Variants in POLR3B observed in about 807,000 individuals in gnomAD.
The protein encoded by POLR3B is RNA polymerase III subunit B.
Under a neutral mutation model 147.4 loss-of-function variants are expected in POLR3B, and 96 were observed. The observed-to-expected ratio is 0.65, with a 90% confidence interval of 0.55 to 0.77. POLR3B has a LOEUF of 0.77. Ranked by LOEUF, POLR3B falls within the 30% of genes least tolerant of loss-of-function variation. The probability of loss-of-function intolerance (pLI) is 0.00; values close to 1 mark genes in which losing one functional copy is unlikely to be tolerated. For missense variants in POLR3B, 1,036 were observed against 1,413.5 expected, an observed-to-expected ratio of 0.73 and a Z score of 4.28; for synonymous variants, 461 against 485.9, an observed-to-expected ratio of 0.95 and a Z score of 0.67.
In POLR3B at chr12:106,365,019, C is replaced by T. The variant is rs181984686; in HGVS notation, c.105+1117C>T. ...GTGTGGTGGCGGGCCCCTGTAATCC[C>T]AGCTACTTGGGAGGATAAGGCAGGA... On this transcript the variant is annotated intron_variant, in intron 2 of 27. Transcript: ENST00000228347. Among the ~76,000 whole-genome samples, 1,010 of 152,166 alleles carry T rather than the reference C, an allele frequency of 6.6e-3. 10 individuals carry two copies. The highest frequency in any genetic ancestry group is 0.011 in the Non-Finnish European group (778 of 68,010).
chr12:106,368,438 C>G (rs1429631394), intron 4 of POLR3B, among the ~76,000 whole-genome samples: 1 of 152,080 alleles, frequency 6.6e-6, no homozygotes, highest in African/African-American at 2.4e-5. Context: ...CCTCCAATTT[C>G]AGTTCGACAC....
intron 25 of POLR3B, among the ~76,000 whole-genome samples, chr12:106,498,559 G>T (rs1565916618): frequency 6.6e-6 from 1 of 150,944 alleles, no homozygotes; most frequent in Non-Finnish European, 1.5e-5. Flanking sequence ...GGTTTTGGGA[G>T]TTTTTTTTGT....
At chr12:106,376,774 T>A (rs2036686497) in intron 7 of POLR3B, among the ~76,000 whole-genome samples, 1 of 152,126 alleles carries the variant, frequency 6.6e-6, no homozygotes, top group South Asian at 2.1e-4. Flanking sequence ...TGTGCCACCA[T>A]ACCCAGCTCA....
intron 12 of POLR3B, among the ~76,000 whole-genome samples, chr12:106,411,275 A>G (rs906092165): frequency 2.6e-5 from 4 of 152,064 alleles, no homozygotes; most frequent in African/African-American, 9.7e-5. Context: ...AGTAGCTGTG[A>G]TTACAGGCAT....
intron 9 of POLR3B, among the ~76,000 whole-genome samples, chr12:106,388,474 C>T (rs954190493): frequency 1.3e-5 from 2 of 152,104 alleles, no homozygotes; most frequent in African/African-American, 2.4e-5. Flanking sequence ...TGCACCACCA[C>T]GCCCAGCTAA....
At position 106,444,648 on chromosome 12, in the gene POLR3B, C is replaced by G. The variant is rs1420452044; in HGVS notation, c.2083+58C>G. On this transcript the variant is annotated intron_variant, in intron 19 of 27. Transcript: ENST00000228347. The stretch of plus-strand genomic sequence containing the variant: ...TACTTGGAAATACTTTTGGAAAAAG[C>G]CTTACATCTTTATTCCTGCTTCACC... 16 of 1,561,006 alleles carry G rather than the reference C, an allele frequency of 1.0e-5. No homozygotes were observed. In the South Asian group the frequency reaches 1.3e-4, roughly 13 times the overall value.
At chr12:106,433,653 G>A in intron 15 of POLR3B, 66 bp from the exon 16 acceptor site, 5 of 1,290,942 alleles carry the variant, frequency 3.9e-6, no homozygotes, top group South Asian at 2.5e-5. Flanking sequence ...TTTATTGGTT[G>A]GATATATTAA....
Position 106,366,528 on chromosome 12 carries a change from G to A in POLR3B, c.118G>A (p.Val40Met), listed in dbSNP as rs753126070. ...TCTATCTGTTTAGGTGAAAGGCCTT[G>A]TGAAACAGCATATAGATTCATTTAA... ...LPAFLKVKGL[V>M]KQHIDSFNYF... Residue 40 changes from valine (V) to methionine (M), a missense_variant, in exon 3 of 28, where the codon GTG (valine) becomes ATG (methionine). Physicochemically the swap from Val to Met is conservative, Grantham distance 21. Transcript: ENST00000228347. 5 of 1,609,556 alleles carry A rather than the reference G, an allele frequency of 3.1e-6. No individual in the cohort carries two copies. The highest frequency in any genetic ancestry group is 4.2e-6 in the Non-Finnish European group (5 of 1,176,496).
intron 19 of POLR3B, chr12:106,446,417 CAAAAAA>C (rs10654233): frequency 5.7e-4 from 91 of 158,364 alleles, no homozygotes; most frequent in Middle Eastern, 2.8e-3. Flanking sequence ...CCTCTCCCCA[CAAAAAA>C]AAAAAAAAAA....
At chr12:106,481,182 A>T (rs2038262432) in intron 23 of POLR3B, among the ~76,000 whole-genome samples, 1 of 152,124 alleles carries the variant, frequency 6.6e-6, no homozygotes, top group South Asian at 2.1e-4. Flanking sequence ...ATTCTGAGGG[A>T]GAGGGAAGCC....
In POLR3B at chr12:106,444,592, T is replaced by G; in HGVS notation, c.2083+2T>G. 6.2e-7 allele frequency: 1 copy of G among 1,613,474 alleles called. No individual in the cohort carries two copies. The highest frequency in any genetic ancestry group is 8.5e-7 in the Non-Finnish European group (1 of 1,179,754). Reference sequence around the variant, plus strand: ...GTGCCATGGGGAAACAAGCCATGGGTAAGATTTCCTTCTTGAAAGTTGGTT... The same window carrying G: ...GTGCCATGGGGAAACAAGCCATGGGGAAGATTTCCTTCTTGAAAGTTGGTT... On this transcript the variant is annotated splice_donor_variant, in intron 19 of 27. Transcript: ENST00000228347. LOFTEE classifies it high-confidence loss of function.
intron 21 of POLR3B, 44 bp from the exon 22 acceptor site, chr12:106,459,207 C>A: frequency 1.9e-6 from 2 of 1,076,510 alleles, no homozygotes; most frequent in Non-Finnish European, 1.4e-6. Flanking sequence ...TTGTATTCCA[C>A]ACAGATGATA....
intron 12 of POLR3B, among the ~76,000 whole-genome samples, chr12:106,422,857 T>C (rs1348035098): frequency 6.6e-6 from 1 of 152,222 alleles, no homozygotes; most frequent in African/African-American, 2.4e-5. Context: ...CTTCTAGGGA[T>C]TCTAATTGGC....
At chr12:106,486,167 T>A (rs2137063182) in intron 23 of POLR3B, among the ~76,000 whole-genome samples, 1 of 151,896 alleles carries the variant, frequency 6.6e-6, no homozygotes, top group Non-Finnish European at 1.5e-5. Flanking sequence ...CAGGTGCCTG[T>A]AGTCCCAGCT....
intron 23 of POLR3B, among the ~76,000 whole-genome samples, chr12:106,471,697 A>T (rs2137046138): frequency 6.6e-6 from 1 of 152,232 alleles, no homozygotes; most frequent in South Asian, 2.1e-4. Flanking sequence ...CACTTAATAG[A>T]TAGTAGTTAA....
intron 19 of POLR3B, among the ~76,000 whole-genome samples, chr12:106,445,439 A>C (rs2037708998): frequency 6.6e-6 from 1 of 152,072 alleles, no homozygotes; most frequent in Non-Finnish European, 1.5e-5. Flanking sequence ...GAAGGTATGA[A>C]AGTGTGAACA....
At chr12:106,463,326 T>A in intron 22 of POLR3B, 152 bp from the exon 23 acceptor site, 1 of 650,160 alleles carries the variant, frequency 1.5e-6, no homozygotes, top group African/African-American at 1.8e-5. Flanking sequence ...AAATTTGAAT[T>A]TAATGTTAAA....
At chr12:106,506,262 A>G (rs1036588601) in intron 27 of POLR3B, among the ~76,000 whole-genome samples, 6 of 152,252 alleles carry the variant, frequency 3.9e-5, no homozygotes, top group Non-Finnish European at 8.8e-5. Context: ...CTATGCTTAA[A>G]TCTTCAAATT....
intron 10 of POLR3B, among the ~76,000 whole-genome samples, chr12:106,405,348 A>G (rs1178589813): frequency 6.6e-6 from 1 of 152,126 alleles, no homozygotes; most frequent in African/African-American, 2.4e-5. Context: ...TTTTAATACC[A>G]TTGAATCATC....
Sources: allele counts gnomAD v4.1 joint callset (sites outside exome capture counted in the v4.1 genomes callset), GRCh38; gene constraint gnomAD v4.1.1; transcripts MANE v1.5; gene names NCBI Gene and HGNC (gene_info 2026-07-23, HGNC 2026-07-21).